Variants in DLGAP2 observed in about 807,000 individuals in gnomAD.
DLGAP2 encodes DLG associated protein 2.
In DLGAP2, 26 loss-of-function variants were observed where a neutral mutation model predicts 100.3. The observed-to-expected ratio is 0.26, with a 90% CI of 0.19 to 0.36. DLGAP2 has a LOEUF of 0.36. Among genes scored for constraint, DLGAP2 ranks in the 10% least tolerant of loss-of-function variants. DLGAP2 has a pLI of 1.00. For missense variants in DLGAP2, 1,858 were observed against 1,453.2 expected (o/e 1.28, Z -4.53); for synonymous variants, 886 against 630.1 (o/e 1.41, Z -6.08).
intron 3 of DLGAP2, among the ~76,000 whole-genome samples, chr8:1,456,265 A>G (rs1362892994): frequency 6.6e-6 from 1 of 152,162 alleles, no homozygotes; most frequent in African/African-American, 2.4e-5. Flanking sequence ...CCTCATTGGC[A>G]GCATTGTGGG....
intron 3 of DLGAP2, among the ~76,000 whole-genome samples, chr8:1,331,149 C>T (rs868298208): frequency 6.6e-6 from 1 of 152,300 alleles, no homozygotes; most frequent in Middle Eastern, 3.4e-3. Context: ...AATCAAATGG[C>T]CGTCACAGTG....
At chr8:1,364,538 G>C (rs1585302591) in intron 3 of DLGAP2, among the ~76,000 whole-genome samples, 1 of 151,996 alleles carries the variant, frequency 6.6e-6, no homozygotes, top group African/African-American at 2.4e-5. Context: ...ATTTTCCCTG[G>C]AGGACTGGGG....
At chr8:829,283 G>T (rs1209975103) in intron 1 of DLGAP2, among the ~76,000 whole-genome samples, 1 of 152,192 alleles carries the variant, frequency 6.6e-6, no homozygotes, top group Non-Finnish European at 1.5e-5. Context: ...CCAAGTTCTA[G>T]TTCAGATTTG....
chr8:1,221,353 A>G (rs951526884), intron 2 of DLGAP2, among the ~76,000 whole-genome samples: 1 of 152,176 alleles, frequency 6.6e-6, no homozygotes, highest in African/African-American at 2.4e-5. Flanking sequence ...TCCTTTACTT[A>G]TGAAGCATAG....
intron 5 of DLGAP2, among the ~76,000 whole-genome samples, chr8:1,564,479 C>T (rs1378908707): frequency 6.6e-6 from 1 of 152,162 alleles, no homozygotes; most frequent in Non-Finnish European, 1.5e-5. Flanking sequence ...GTTCAGTTCT[C>T]GAACAGTCAG....
intron 3 of DLGAP2, among the ~76,000 whole-genome samples, chr8:1,454,557 C>G (rs1798252278): frequency 6.6e-6 from 1 of 152,136 alleles, no homozygotes; most frequent in Admixed American, 6.6e-5. Flanking sequence ...TTGAAATCGA[C>G]CAATGTGAGT....
chr8:1,589,974 A>G (rs1203925813), intron 6 of DLGAP2, among the ~76,000 whole-genome samples: 1 of 152,088 alleles, frequency 6.6e-6, no homozygotes, highest in African/African-American at 2.4e-5. Flanking sequence ...TACCCTCTCC[A>G]GTTCTGGGAG....
chr8:1,367,858 C>T (rs753524416), intron 3 of DLGAP2, among the ~76,000 whole-genome samples: 10 of 152,134 alleles, frequency 6.6e-5, no homozygotes, highest in Non-Finnish European at 1.5e-4. Context: ...AGACATAAAT[C>T]ATATATAAAC....
intron 2 of DLGAP2, among the ~76,000 whole-genome samples, chr8:1,257,832 C>G (rs146090143): frequency 3.8e-4 from 58 of 152,360 alleles, no homozygotes; most frequent in African/African-American, 1.3e-3. Flanking sequence ...TGCTCATTCC[C>G]TCTCCCACCC....
chr8:985,424 A>G (rs1800458451), intron 2 of DLGAP2, among the ~76,000 whole-genome samples: 1 of 152,212 alleles, frequency 6.6e-6, no homozygotes, highest in Admixed American at 6.5e-5. Context: ...CAACCACCTC[A>G]TGGTGTTGTC....
At chr8:920,478 A>C (rs1449543351) in intron 2 of DLGAP2, among the ~76,000 whole-genome samples, 3 of 152,230 alleles carry the variant, frequency 2.0e-5, no homozygotes, top group Non-Finnish European at 2.9e-5. Flanking sequence ...ACAATTCAGC[A>C]GGCACAGTGG....
Position 930,708 on chromosome 8 carries a change from G to C in DLGAP2, c.73+22742G>C, listed in dbSNP as rs192857154. ...GTGTGCGGGGATTGGGAGCCTCATG[G>C]AGACCCCACACTGCAGAGACTTCCT... On this transcript the variant is annotated intron_variant, in intron 2 of 14. Coordinates refer to ENST00000637795, the MANE Select transcript of DLGAP2 (RefSeq NM_001346810.2). 1.6e-4 allele frequency among the ~76,000 whole-genome samples: 25 copies of C among 152,278 alleles called. No individual in the cohort carries two copies. The Middle Eastern group carries it at 0.01, about 62-fold the overall frequency.
At chr8:1,684,825 C>T (rs1163613170) in intron 12 of DLGAP2, among the ~76,000 whole-genome samples, 1 of 152,088 alleles carries the variant, frequency 6.6e-6, no homozygotes, top group Non-Finnish European at 1.5e-5. Context: ...CAAGCTAAGA[C>T]TTTATTGAAT....
At chr8:1,347,448 G>T (rs1585283825) in intron 3 of DLGAP2, among the ~76,000 whole-genome samples, 1 of 151,562 alleles carries the variant, frequency 6.6e-6, no homozygotes. Flanking sequence ...CTATGTGGAA[G>T]TTGAGTTCCC....
intron 1 of DLGAP2, among the ~76,000 whole-genome samples, chr8:751,387 C>T (rs1209924162): frequency 6.6e-6 from 1 of 152,230 alleles, no homozygotes; most frequent in Non-Finnish European, 1.5e-5. Context: ...TGTTTGGCTG[C>T]TGCAAGTTTC....
intron 2 of DLGAP2, among the ~76,000 whole-genome samples, chr8:1,121,607 C>G (rs1796049956): frequency 1.3e-5 from 2 of 152,206 alleles, no homozygotes; most frequent in South Asian, 4.2e-4. Flanking sequence ...CCTTCAGAAC[C>G]CATGACTACC....
intron 5 of DLGAP2, among the ~76,000 whole-genome samples, chr8:1,550,876 C>G (rs1801742118): frequency 6.6e-6 from 1 of 152,246 alleles, no homozygotes; most frequent in African/African-American, 2.4e-5. Flanking sequence ...TGTCCCAACT[C>G]ACAAATCACT....
intron 3 of DLGAP2, among the ~76,000 whole-genome samples, chr8:1,370,094 C>G (rs186894329): frequency 6.6e-6 from 1 of 152,310 alleles, no homozygotes; most frequent in Non-Finnish European, 1.5e-5. Flanking sequence ...CCCTAGGCAG[C>G]TTTTCTCCCA....
chr8:1,227,387 C>G (rs1193199643), intron 2 of DLGAP2, among the ~76,000 whole-genome samples: 1 of 149,554 alleles, frequency 6.7e-6, no homozygotes, highest in Non-Finnish European at 1.5e-5. Flanking sequence ...TGTTTGTTTT[C>G]CATTTGATTG....
Sources: gnomAD v4.1 joint callset for allele counts (sites outside exome capture counted in the v4.1 genomes callset) on GRCh38, gnomAD v4.1.1 for gene constraint, MANE v1.5 for transcripts, NCBI Gene and HGNC (gene_info 2026-07-23, HGNC 2026-07-21) for gene names.